The following LRCH1 variants were observed in gnomAD, a reference collection of about 807,000 sequenced individuals.
LRCH1 encodes leucine rich repeats and calponin homology domain containing 1, also known as leucine-rich repeat and calponin homology domain-containing protein 1.
LRCH1 carries 23 observed loss-of-function variants against 94.9 expected under a neutral mutation model. That is an observed-to-expected ratio of 0.24 (90% CI 0.17 to 0.34). LRCH1 has a LOEUF of 0.34. LRCH1 is among the 10% of genes least tolerant of loss of function. The pLI, the probability that LRCH1 is intolerant of heterozygous loss-of-function variation, is 1.00. For synonymous variants in LRCH1, 364 were observed against 354.9 expected (o/e 1.03, Z -0.29); for missense variants, 790 against 945.9 (o/e 0.84, Z 2.16).
chr13:46,662,602 A>G (rs2051463592), intron 2 of LRCH1, among the ~76,000 whole-genome samples: 1 of 152,218 alleles, frequency 6.6e-6, no homozygotes, highest in South Asian at 2.1e-4. Context: ...CTCTTAGAAG[A>G]AAGGAGAGAA....
In LRCH1 at chr13:46,726,862, C is replaced by CAAAAAAAAAAAAAAAAA. The variant is rs71077918; in HGVS notation, c.1870-1978_1870-1962dup. Among the ~76,000 whole-genome samples the CAAAAAAAAAAAAAAAAA allele has an allele frequency of 2.6e-5, 2 of 78,004 alleles. 1 individual carries two copies. Among genetic ancestry groups the CAAAAAAAAAAAAAAAAA allele is most frequent in the Admixed American group, 3.4e-4 (2 of 5,818 alleles). 51.2% of individuals were successfully genotyped at this position (78,004 alleles called of 152,430 possible). On this transcript the variant is annotated intron_variant, in intron 17 of 19. Transcript: ENST00000389797. ...CCACCTTCCCCTGCTAGAGCAGTGT[C>CAAAAAAAAAAAAAAAAA]AAAAAAAAAAAAAAAAAAAAAAAGG...
chr13:46,624,556 T>C (rs1335362621), intron 1 of LRCH1, among the ~76,000 whole-genome samples: 1 of 152,202 alleles, frequency 6.6e-6, no homozygotes, highest in East Asian at 1.9e-4. Flanking sequence ...GGTTTGAGCT[T>C]GCTGAGAATT....
intron 1 of LRCH1, among the ~76,000 whole-genome samples, chr13:46,567,492 T>TTGTGTG (rs35848521): frequency 0.01 from 1,426 of 141,940 alleles, 32 homozygotes; most frequent in African/African-American, 0.035. Context: ...TAAGGCAATT[T>TTGTGTG]TGTGTGTGTG....
chr13:46,750,328 C>T (rs572543107), intron 18 of LRCH1, among the ~76,000 whole-genome samples: 1 of 152,204 alleles, frequency 6.6e-6, no homozygotes, highest in South Asian at 2.1e-4. Flanking sequence ...CTTTTTGAAA[C>T]AAACTGCATG....
At position 46,728,942 on chromosome 13, in the gene LRCH1, C is replaced by T. The variant is rs1235860387; in HGVS notation, c.1965C>T (p.Arg655=). The T allele has an allele frequency of 1.2e-6, 2 of 1,613,614 alleles. No individual in the cohort carries two copies. Among genetic ancestry groups the T allele is most frequent in the Non-Finnish European group, 1.7e-6 (2 of 1,179,788 alleles). The part of the protein sequence containing the change: ...VVLCHLVNHI[R]PRSVASIHVP... ...TCTGCCATCTGGTCAACCACATCCG[C>T]CCACGGTCGGTTGCAAGCATCCATG... is the stretch of plus-strand genomic sequence containing the variant. Residue 655 remains arginine, a synonymous_variant, in exon 18 of 20, where the codon CGC becomes CGT. Transcript: ENST00000389797.
chr13:46,553,758 G>A (rs530078862), intron 1 of LRCH1, 55 bp downstream of exon 1: 2 of 1,586,858 alleles, frequency 1.3e-6, no homozygotes, highest in Non-Finnish European at 1.7e-6. Context: ...GGTGTCTGTC[G>A]TGCGTTCCCT....
At chr13:46,554,883 G>A (rs968964102) in intron 1 of LRCH1, among the ~76,000 whole-genome samples, 1 of 152,230 alleles carries the variant, frequency 6.6e-6, no homozygotes, top group Non-Finnish European at 1.5e-5. Context: ...GACCCCCTGG[G>A]TCTTGGATGG....
At chr13:46,598,993 C>A (rs868185473) in intron 1 of LRCH1, among the ~76,000 whole-genome samples, 14 of 152,134 alleles carry the variant, frequency 9.2e-5, no homozygotes, top group African/African-American at 3.4e-4. Context: ...TCTTCATCTC[C>A]CTCTCTCCAG....
chr13:46,719,952 C>G (rs140325656), intron 16 of LRCH1, among the ~76,000 whole-genome samples: 1 of 152,082 alleles, frequency 6.6e-6, no homozygotes, highest in African/African-American at 2.4e-5. Flanking sequence ...GAGCCGAGAT[C>G]GTGCCACTGC....
At chr13:46,658,988 G>A (rs914354517) in intron 2 of LRCH1, among the ~76,000 whole-genome samples, 1 of 152,124 alleles carries the variant, frequency 6.6e-6, no homozygotes, top group Non-Finnish European at 1.5e-5. Context: ...AGTAAGTACA[G>A]CAAATTTAAC....
intron 16 of LRCH1, among the ~76,000 whole-genome samples, chr13:46,716,816 G>A (rs182686960): frequency 2.0e-5 from 3 of 152,114 alleles, no homozygotes; most frequent in Admixed American, 2.0e-4. Context: ...TAAACAAATG[G>A]CCCTCCTTAT....
chr13:46,588,731 G>T (rs1326316933), intron 1 of LRCH1, among the ~76,000 whole-genome samples: 1 of 151,180 alleles, frequency 6.6e-6, no homozygotes, highest in Non-Finnish European at 1.5e-5. Context: ...CTCCCGAGTA[G>T]CTGGGATTAC....
intron 3 of LRCH1, among the ~76,000 whole-genome samples, chr13:46,679,202 G>A (rs1229235166): frequency 1.3e-5 from 2 of 152,212 alleles, no homozygotes; most frequent in African/African-American, 4.8e-5. Context: ...TCACCCAAGT[G>A]ACTGTATCTG....
chr13:46,722,879 G>A (rs1593376934), intron 16 of LRCH1, among the ~76,000 whole-genome samples: 1 of 152,232 alleles, frequency 6.6e-6, no homozygotes, highest in Non-Finnish European at 1.5e-5. Context: ...AGGGTTGAGT[G>A]TAAATAAAAA....
chr13:46,729,550 CAAAA>C (rs61033499), intron 18 of LRCH1, among the ~76,000 whole-genome samples: 9 of 89,130 alleles, frequency 1.0e-4, no homozygotes, highest in Non-Finnish European at 1.2e-4. Flanking sequence ...GACCCTGTCT[CAAAA>C]AAAAAAAAAA....
rs2138251953 is a variant in LRCH1, at chr13:46,742,008, G to A, written c.*160G>A. ...CAGTAGCAAATCAGATTTTCCAGAA[G>A]CACAAACTTTGTAGAATACAGTTTA... is the stretch of plus-strand genomic sequence containing the variant. On this transcript the variant is annotated 3_prime_UTR_variant, in exon 20 of 20. Coordinates refer to ENST00000389797, the MANE Select transcript of LRCH1 (RefSeq NM_001164211.2). 2 of 1,482,964 alleles carry A rather than the reference G, an allele frequency of 1.3e-6. No individual in the cohort carries two copies. The highest frequency in any genetic ancestry group is 1.8e-6 in the Non-Finnish European group (2 of 1,125,664). 91.9% of individuals were successfully genotyped at this position (1,482,964 alleles called of 1,614,324 possible).
chr13:46,682,023 A>T (rs923857644), intron 4 of LRCH1, among the ~76,000 whole-genome samples, 177 bp downstream of exon 4: 1 of 151,862 alleles, frequency 6.6e-6, no homozygotes, highest in African/African-American at 2.4e-5. Context: ...AGTGATGTTC[A>T]GGCTGTGATT....
At chr13:46,678,944 C>T (rs2051713583) in intron 3 of LRCH1, among the ~76,000 whole-genome samples, 1 of 152,146 alleles carries the variant, frequency 6.6e-6, no homozygotes, top group Non-Finnish European at 1.5e-5. Flanking sequence ...TTGCTTTCCT[C>T]TCCTCCTTCC....
intron 5 of LRCH1, 36 bp from the exon 6 acceptor site, chr13:46,687,816 G>A: frequency 6.3e-7 from 1 of 1,581,228 alleles, no homozygotes; most frequent in Non-Finnish European, 8.6e-7. Flanking sequence ...TTTTGTCATT[G>A]AAAAATGAAT....
Sources: gnomAD v4.1 joint callset for allele counts (sites outside exome capture counted in the v4.1 genomes callset) on GRCh38, gnomAD v4.1.1 for gene constraint, MANE v1.5 for transcripts, NCBI Gene and HGNC (gene_info 2026-07-23, HGNC 2026-07-21) for gene names.